The following SLC30A8 variants were observed in gnomAD, a reference collection of about 807,000 sequenced individuals.
The protein encoded by SLC30A8 is solute carrier family 30 member 8, also known as proton-coupled zinc antiporter SLC30A8.
SLC30A8 carries 27 observed loss-of-function variants against 36.9 expected under a neutral mutation model. The ratio of observed to expected loss-of-function variants is 0.73; its 90% CI spans 0.54 to 1.01. SLC30A8 has a LOEUF of 1.01. SLC30A8 is among the 50% of genes least tolerant of loss of function. The pLI, the probability that SLC30A8 is intolerant of heterozygous loss-of-function variation, is 0.00. For synonymous variants in SLC30A8, 164 were observed against 172.4 expected (o/e 0.95, Z 0.38); for missense variants, 439 against 452.0 (o/e 0.97, Z 0.26).
chr8:117,160,400 CACTT>C (rs1283256888), intron 4 of SLC30A8, among the ~76,000 whole-genome samples: 1 of 125,628 alleles, frequency 8.0e-6, no homozygotes, highest in Non-Finnish European at 1.7e-5. Context: ...TAGAATTTTC[CACTT>C]GTGTGTGTGT....
chr8:117,011,423 G>A (rs941219577), intron 1 of SLC30A8, among the ~76,000 whole-genome samples: 2 of 152,130 alleles, frequency 1.3e-5, no homozygotes, highest in Non-Finnish European at 2.9e-5. Context: ...CAAATAGCTC[G>A]TTTGTGAAAC....
intron 1 of SLC30A8, among the ~76,000 whole-genome samples, chr8:116,956,715 TGC>T (rs1814219137): frequency 6.6e-6 from 1 of 152,214 alleles, no homozygotes; most frequent in Non-Finnish European, 1.5e-5. Context: ...ATCAATGAAA[TGC>T]CAACTTAAAT....
intron 1 of SLC30A8, among the ~76,000 whole-genome samples, chr8:116,991,811 T>A (rs1327955327): frequency 1.3e-5 from 2 of 152,190 alleles, no homozygotes; most frequent in Non-Finnish European, 2.9e-5. Flanking sequence ...ACTAAAAAAA[T>A]ACTTTCCCTT....
intron 1 of SLC30A8, chr8:117,018,342 A>G (rs1816588263): frequency 6.6e-6 from 1 of 152,210 alleles, no homozygotes; most frequent in African/African-American, 2.4e-5. Flanking sequence ...TAATATATCA[A>G]AAATATTATT....
chr8:116,999,029 C>G (rs1043149669), intron 1 of SLC30A8, among the ~76,000 whole-genome samples: 3 of 152,152 alleles, frequency 2.0e-5, no homozygotes, highest in African/African-American at 7.2e-5. Flanking sequence ...GAGGCTGAGG[C>G]GGGCAGATCA....
chr8:117,004,180 C>T (rs1586385899), intron 1 of SLC30A8, among the ~76,000 whole-genome samples: 1 of 152,288 alleles, frequency 6.6e-6, no homozygotes, highest in Non-Finnish European at 1.5e-5. Context: ...CCCACAGTCA[C>T]CTTTTAATCT....
chr8:117,113,930 CAG>C lies in SLC30A8; in HGVS notation c.-225-21348_-225-21347del, dbSNP rs1248895337. ...AAGACATGGGTAGATTTATAAAACA[CAG>C]AAGATTTGTGAAACGAGGACAACAG... is the stretch of plus-strand genomic sequence containing the variant. On this transcript the variant is annotated intron_variant, in intron 2 of 10. Transcript: ENST00000427715. 7.2e-5 allele frequency among the ~76,000 whole-genome samples: 11 copies of C among 152,188 alleles called. No individual in the cohort carries two copies. In the East Asian group the frequency reaches 2.1e-3, roughly 29 times the overall value.
intron 2 of SLC30A8, among the ~76,000 whole-genome samples, chr8:117,054,764 A>G (rs1817818422): frequency 1.3e-5 from 2 of 152,180 alleles, no homozygotes; most frequent in Admixed American, 6.5e-5. Context: ...AAGTTTTCCC[A>G]GAGCTAACCA....
intron 2 of SLC30A8, among the ~76,000 whole-genome samples, chr8:117,098,339 A>G (rs1322623531): frequency 6.6e-6 from 1 of 151,984 alleles, no homozygotes; most frequent in African/African-American, 2.4e-5. Flanking sequence ...TAAATCAGCA[A>G]ACTCACCTGC....
At chr8:117,014,004 C>A (rs1358516925) in intron 1 of SLC30A8, among the ~76,000 whole-genome samples, 1 of 152,076 alleles carries the variant, frequency 6.6e-6, no homozygotes, top group African/African-American at 2.4e-5. Flanking sequence ...AAGTGTGAAA[C>A]AGACTATCAA....
At chr8:117,166,853 A>G (rs1355139733) in intron 6 of SLC30A8, among the ~76,000 whole-genome samples, 2 of 144,748 alleles carry the variant, frequency 1.4e-5, no homozygotes, top group Admixed American at 1.4e-4. Context: ...GACAGCTCAC[A>G]CTTCGTTAGT....
At chr8:116,953,730 C>T (rs1814083094) in intron 1 of SLC30A8, among the ~76,000 whole-genome samples, 1 of 152,196 alleles carries the variant, frequency 6.6e-6, no homozygotes, top group Non-Finnish European at 1.5e-5. Flanking sequence ...ATTTTTCTAT[C>T]AACTTTTTTT....
intron 3 of SLC30A8, among the ~76,000 whole-genome samples, chr8:117,156,031 C>T (rs35934480): frequency 0.38 from 57,450 of 151,774 alleles, 13,638 homozygotes; most frequent in African/African-American, 0.68. Context: ...GTCTGAGGAA[C>T]TGAAGATTAG....
At chr8:117,039,128 C>T (rs1817307234) in intron 1 of SLC30A8, 1 of 152,146 alleles carries the variant, frequency 6.6e-6, no homozygotes, top group Admixed American at 6.5e-5. Flanking sequence ...CCTACTGCAA[C>T]CAGACCCCTG....
intron 2 of SLC30A8, among the ~76,000 whole-genome samples, chr8:117,116,974 C>G (rs1820469812): frequency 6.6e-6 from 1 of 152,002 alleles, no homozygotes; most frequent in Non-Finnish European, 1.5e-5. Flanking sequence ...AATACTGTTT[C>G]TTCCTACATC....
intron 2 of SLC30A8, chr8:117,128,314 C>T (rs953084906): frequency 1.3e-5 from 2 of 152,058 alleles, no homozygotes; most frequent in African/African-American, 4.8e-5. Context: ...CTAGGAGTTT[C>T]CTAGCAGCTG....
At chr8:116,989,843 C>T (rs566015225) in intron 1 of SLC30A8, among the ~76,000 whole-genome samples, 9 of 152,336 alleles carry the variant, frequency 5.9e-5, no homozygotes, top group African/African-American at 1.7e-4. Flanking sequence ...CTTCTGATCA[C>T]ATTTGCCAGG....
chr8:117,056,994 A>G (rs1328353992), intron 2 of SLC30A8, among the ~76,000 whole-genome samples: 5 of 152,306 alleles, frequency 3.3e-5, no homozygotes, highest in Non-Finnish European at 5.9e-5. Flanking sequence ...CACTTGTATA[A>G]TGAGGATAGC....
At chr8:117,026,088 T>A (rs1816863250) in intron 1 of SLC30A8, among the ~76,000 whole-genome samples, 1 of 152,224 alleles carries the variant, frequency 6.6e-6, no homozygotes, top group Non-Finnish European at 1.5e-5. Context: ...GAGAACTGCC[T>A]GTCCCTTCAC....
Sources: allele counts gnomAD v4.1 joint callset (sites outside exome capture counted in the v4.1 genomes callset), GRCh38; gene constraint gnomAD v4.1.1; transcripts MANE v1.5; gene names NCBI Gene and HGNC (gene_info 2026-07-23, HGNC 2026-07-21).